The following ST3GAL1 variants were observed in gnomAD, a reference collection of about 807,000 sequenced individuals.
The protein encoded by ST3GAL1 is ST3 beta-galactoside alpha-2,3-sialyltransferase 1.
A neutral mutation model predicts 34.1 loss-of-function variants in ST3GAL1; 16 were observed. The ratio of observed to expected loss-of-function variants is 0.47; its 90% CI spans 0.32 to 0.71. ST3GAL1 has a LOEUF of 0.71. Among genes scored for constraint, ST3GAL1 ranks in the 30% least tolerant of loss-of-function variants. ST3GAL1 has a pLI of 0.04. For synonymous variants in ST3GAL1, 191 were observed against 184.7 expected, an observed-to-expected ratio of 1.03 and a Z score of -0.28; for missense variants, 353 against 447.4, an observed-to-expected ratio of 0.79 and a Z score of 1.90.
intron 1 of ST3GAL1, among the ~76,000 whole-genome samples, chr8:133,563,901 GTCA>G (rs1819315651): frequency 6.6e-6 from 1 of 152,092 alleles, no homozygotes. Flanking sequence ...GTGTAAGGCT[GTCA>G]TCAAGGGAGT....
intron 2 of ST3GAL1, among the ~76,000 whole-genome samples, chr8:133,539,226 G>A (rs930138572): frequency 1.3e-5 from 2 of 152,188 alleles, no homozygotes; most frequent in African/African-American, 4.8e-5. Context: ...CTTTCGCCCT[G>A]TTCCCTGAGC....
chr8:133,556,473 A>G lies in ST3GAL1; in HGVS notation c.-581-10547T>C, dbSNP rs1376582256. 3.3e-5 allele frequency among the ~76,000 whole-genome samples: 5 copies of G among 152,178 alleles called. No individual in the cohort carries two copies. The highest frequency in any genetic ancestry group is 7.3e-5 in the Non-Finnish European group (5 of 68,028). On this transcript the variant is annotated intron_variant, in intron 1 of 9. Coordinates refer to ENST00000522652, the MANE Select transcript of ST3GAL1 (RefSeq NM_173344.3). This position sits in a 1 kb window ranked among gnomAD's most constrained non-coding sequence, Gnocchi z 8.9. Reference sequence around the variant, plus strand: ...TGTACAGCTGTCCTCTGGGCCCAGCATATATTGTTCTGTCCGCTCAGAGTC... The same window carrying G: ...TGTACAGCTGTCCTCTGGGCCCAGCGTATATTGTTCTGTCCGCTCAGAGTC...
intron 9 of ST3GAL1, among the ~76,000 whole-genome samples, chr8:133,460,696 G>A (rs1434180903): frequency 1.3e-5 from 2 of 152,198 alleles, no homozygotes; most frequent in East Asian, 1.9e-4. Flanking sequence ...GTTGGAAATG[G>A]GGCTAAATTC....
At chr8:133,495,351 A>G in intron 3 of ST3GAL1, among the ~76,000 whole-genome samples, 1 of 152,172 alleles carries the variant, frequency 6.6e-6, no homozygotes, top group South Asian at 2.1e-4. Flanking sequence ...CAGACGAGTG[A>G]CCCTACACTC....
chr8:133,459,671 C>T lies in ST3GAL1; in HGVS notation c.*93G>A, dbSNP rs1815422638. On this transcript the variant is annotated 3_prime_UTR_variant, in exon 10 of 10. Coordinates refer to ENST00000522652, the MANE Select transcript of ST3GAL1 (RefSeq NM_173344.3). The surrounding 1 kb of genome is among the most constrained non-coding windows in gnomAD (Gnocchi z 4.7). ...GCCCAGGCACACACCTGAGGCTGCCCCTCCAAGCTCCGGGATGGAACGGCT... is the reference window on the plus strand; with the variant it reads ...GCCCAGGCACACACCTGAGGCTGCCTCTCCAAGCTCCGGGATGGAACGGCT... 1.4e-6 allele frequency: 2 copies of T among 1,478,370 alleles called. No homozygotes were observed. The highest frequency in any genetic ancestry group is 1.8e-6 in the Non-Finnish European group (2 of 1,102,548). 91.6% of individuals were successfully genotyped at this position (1,478,370 alleles called of 1,614,324 possible).
At position 133,456,318 on chromosome 8, in the gene ST3GAL1, C is replaced by T. The variant is rs528186587; in HGVS notation, c.*3446G>A. ...CCAGGGGGTTGGGATGTTGCTGACA[C>T]CTCATGGGCCACCTCATCAGCCCAT... On this transcript the variant is annotated 3_prime_UTR_variant, in exon 10 of 10. Transcript: ENST00000522652. 2 of 152,268 alleles carry T rather than the reference C, an allele frequency of 1.3e-5. No individual in the cohort carries two copies. Among genetic ancestry groups the T allele is most frequent in the Non-Finnish European group, 2.9e-5 (2 of 68,090 alleles). 9.4% of individuals were successfully genotyped at this position (152,268 alleles called of 1,614,324 possible).
chr8:133,534,982 C>T (rs1818266920), intron 2 of ST3GAL1, among the ~76,000 whole-genome samples: 1 of 152,196 alleles, frequency 6.6e-6, no homozygotes, highest in African/African-American at 2.4e-5. Flanking sequence ...AGCCCTTCCT[C>T]ACAAGACAGT....
chr8:133,514,542 T>C (rs1658314690), intron 2 of ST3GAL1, among the ~76,000 whole-genome samples: 1 of 152,092 alleles, frequency 6.6e-6, no homozygotes, highest in South Asian at 2.1e-4. Flanking sequence ...AGTCCTTTCC[T>C]GGGGAGCACC....
At chr8:133,460,366 T>C (rs373915656) in intron 9 of ST3GAL1, among the ~76,000 whole-genome samples, 8 of 152,180 alleles carry the variant, frequency 5.3e-5, no homozygotes, top group African/African-American at 1.9e-4. Context: ...CGTGGTGCCC[T>C]GGGCATGTGA....
intron 1 of ST3GAL1, among the ~76,000 whole-genome samples, chr8:133,564,347 TC>T (rs1819329330): frequency 1.3e-5 from 2 of 152,236 alleles, no homozygotes; most frequent in Admixed American, 1.3e-4. Context: ...TCTGGTTTCT[TC>T]AGTCCTGTTT....
At chr8:133,557,680 T>C (rs1378461003) in intron 1 of ST3GAL1, among the ~76,000 whole-genome samples, 2 of 152,130 alleles carry the variant, frequency 1.3e-5, no homozygotes, top group Non-Finnish European at 2.9e-5. Flanking sequence ...AAACCCTGTC[T>C]CTACTAAAAA....
chr8:133,536,599 C>T (rs568389233), intron 2 of ST3GAL1, among the ~76,000 whole-genome samples: 15 of 152,306 alleles, frequency 9.8e-5, no homozygotes, highest in South Asian at 4.1e-4. Context: ...TCTTCCAAGC[C>T]GGCAAGGTGG....
intron 2 of ST3GAL1, among the ~76,000 whole-genome samples, chr8:133,507,973 G>T (rs562465158): frequency 1.6e-4 from 24 of 149,630 alleles, no homozygotes; most frequent in Non-Finnish European, 2.8e-4. Context: ...ACTGCCTCTG[G>T]CCACAGAGGA....
chr8:133,552,115 C>T (rs893637085), intron 1 of ST3GAL1, among the ~76,000 whole-genome samples: 11 of 152,204 alleles, frequency 7.2e-5, no homozygotes, highest in African/African-American at 2.4e-4. Flanking sequence ...CAACAGTACA[C>T]TTTTGAGCTC....
In ST3GAL1 at chr8:133,466,827, G is replaced by A. The variant is rs1018681364; in HGVS notation, c.307-737C>T. Among the ~76,000 whole-genome samples the A allele has an allele frequency of 1.3e-5, 2 of 152,174 alleles. No homozygotes were observed. Among genetic ancestry groups the A allele is most frequent in the African/African-American group, 2.4e-5 (1 of 41,438 alleles). ...TTAAGACCTAGCCTGGGCCAGGTGC[G>A]GTGGCTCACACCTGTAATCCCAGCA... is the stretch of plus-strand genomic sequence containing the variant. On this transcript the variant is annotated intron_variant, in intron 5 of 9. Transcript: ENST00000522652. This position sits in a 1 kb window ranked among gnomAD's most constrained non-coding sequence, Gnocchi z 4.4.
rs1815322479 is a variant in ST3GAL1, at chr8:133,456,933, TC to T, written c.*2830del. 6.6e-6 allele frequency: 1 copy of T among 152,290 alleles called. No homozygotes were observed. The highest frequency in any genetic ancestry group is 1.5e-5 in the Non-Finnish European group (1 of 68,090). 9.4% of individuals were successfully genotyped at this position (152,290 alleles called of 1,614,324 possible). On this transcript the variant is annotated 3_prime_UTR_variant, in exon 10 of 10. Transcript: ENST00000522652. The stretch of plus-strand genomic sequence containing the variant: ...CTCAAACTCTGACTTGTGCTATCTG[TC>T]CCAGACAGTTCACGACTGCCCGTCA...
intron 1 of ST3GAL1, among the ~76,000 whole-genome samples, chr8:133,560,552 A>C (rs16904953): frequency 0.029 from 4,428 of 152,202 alleles, 237 homozygotes; most frequent in African/African-American, 0.1. Context: ...CCTGCCCAAA[A>C]GGATGTTACA....
chr8:133,507,797 GT>G (rs1243262818), intron 2 of ST3GAL1, among the ~76,000 whole-genome samples: 1 of 152,164 alleles, frequency 6.6e-6, no homozygotes, highest in African/African-American at 2.4e-5. Flanking sequence ...CAGGTTTCAG[GT>G]TTTCATTTCC....
At chr8:133,506,158 T>C (rs146135026) in intron 2 of ST3GAL1, among the ~76,000 whole-genome samples, 171 of 152,070 alleles carry the variant, frequency 1.1e-3, no homozygotes, top group Non-Finnish European at 1.8e-3. Context: ...GACCGAGAAG[T>C]AGAGAGCACA....
Sources: allele counts gnomAD v4.1 joint callset (sites outside exome capture counted in the v4.1 genomes callset), GRCh38; gene constraint gnomAD v4.1.1; non-coding constraint Gnocchi (gnomAD v3.1); transcripts MANE v1.5; gene names NCBI Gene and HGNC (gene_info 2026-07-23, HGNC 2026-07-21).